ZNRF3: variants seen among roughly 807,000 people sequenced by gnomAD.
ZNRF3 encodes zinc and ring finger 3, also known as E3 ubiquitin-protein ligase ZNRF3.
A neutral mutation model predicts 72.5 loss-of-function variants in ZNRF3; 23 were observed. The observed-to-expected ratio is 0.32, with a 90% CI of 0.23 to 0.45. ZNRF3 has a LOEUF of 0.45. Among genes scored for constraint, ZNRF3 ranks in the 20% least tolerant of loss-of-function variants. ZNRF3 has a pLI of 1.00. For missense variants in ZNRF3, 1,169 were observed against 1,272.1 expected (o/e 0.92, Z 1.23); for synonymous variants, 610 against 545.3 (o/e 1.12, Z -1.65).
intron 1 of ZNRF3, among the ~76,000 whole-genome samples, chr22:28,912,662 CT>C (rs138371253): frequency 0.021 from 2,465 of 119,450 alleles, 52 homozygotes; most frequent in African/African-American, 0.059. Flanking sequence ...TCTTTTCTTT[CT>C]TTTTTTTTTT....
At chr22:29,003,039 A>AT (rs563947195) in intron 2 of ZNRF3, among the ~76,000 whole-genome samples, 29 of 152,204 alleles carry the variant, frequency 1.9e-4, no homozygotes, top group Non-Finnish European at 3.7e-4. Context: ...AACAGTTCAA[A>AT]TTTTGTTTGA....
intron 2 of ZNRF3, among the ~76,000 whole-genome samples, chr22:28,999,797 T>C (rs1288332930): frequency 6.6e-6 from 1 of 152,180 alleles, no homozygotes; most frequent in African/African-American, 2.4e-5. Flanking sequence ...TCCCTTTCAG[T>C]GTACTTGTAT....
chr22:28,989,683 C>T lies in ZNRF3; in HGVS notation c.426+2482C>T, dbSNP rs923170404. 2.6e-5 allele frequency among the ~76,000 whole-genome samples: 4 copies of T among 152,050 alleles called. 1 individual carries two copies. The highest frequency in any genetic ancestry group is 9.7e-5 in the African/African-American group (4 of 41,364). On this transcript the variant is annotated intron_variant, in intron 2 of 8. Coordinates refer to ENST00000544604, the MANE Select transcript of ZNRF3 (RefSeq NM_001206998.2). ...GATGTTGAAACTTGTTGAAAACCCA[C>T]GAAGGGAGGACTCTGTCCGCTGCAG...
At chr22:28,986,173 AGATTAGGAC>A (rs1213467555) in intron 1 of ZNRF3, among the ~76,000 whole-genome samples, 3 of 152,196 alleles carry the variant, frequency 2.0e-5, no homozygotes, top group Non-Finnish European at 4.4e-5. Flanking sequence ...CAGGTTCTGG[AGATTAGGAC>A]ATAGATATCT....
At chr22:28,991,827 T>C (rs1279631069) in intron 2 of ZNRF3, among the ~76,000 whole-genome samples, 1 of 152,066 alleles carries the variant, frequency 6.6e-6, no homozygotes, top group Middle Eastern at 3.2e-3. Context: ...TCCTTTTGTC[T>C]TCGCCAGTTT....
chr22:29,011,647 T>C (rs1178452800), intron 2 of ZNRF3, among the ~76,000 whole-genome samples: 1 of 152,250 alleles, frequency 6.6e-6, no homozygotes, highest in Non-Finnish European at 1.5e-5. Context: ...GCTAGGCCAG[T>C]TAAAACAATA....
intron 1 of ZNRF3, among the ~76,000 whole-genome samples, chr22:28,910,423 A>G (rs1315503873): frequency 6.6e-6 from 1 of 152,214 alleles, no homozygotes; most frequent in Admixed American, 6.5e-5. Flanking sequence ...GGACGTAAGC[A>G]GTCTTGGCCT....
chr22:28,969,502 A>C (rs1005489498), intron 1 of ZNRF3, among the ~76,000 whole-genome samples: 2 of 152,180 alleles, frequency 1.3e-5, no homozygotes, highest in Admixed American at 1.3e-4. Flanking sequence ...TTCCAGGCAG[A>C]GGGAACAAGA....
chr22:28,998,822 C>T (rs2036092262), intron 2 of ZNRF3, among the ~76,000 whole-genome samples: 1 of 152,166 alleles, frequency 6.6e-6, no homozygotes, highest in Non-Finnish European at 1.5e-5. Context: ...AGTGAGTTAA[C>T]AGAACAAATA....
rs371154415 is a variant in ZNRF3, at chr22:28,957,020, A to G, written c.301-30056A>G. ...ATATGAATTCAGTCTAGAGAAGATAACGTGCCTATTGTGCAGAATGCAGGG... is the reference window on the plus strand; with the variant it reads ...ATATGAATTCAGTCTAGAGAAGATAGCGTGCCTATTGTGCAGAATGCAGGG... On this transcript the variant is annotated intron_variant, in intron 1 of 8. Transcript: ENST00000544604. 2.3e-3 allele frequency among the ~76,000 whole-genome samples: 350 copies of G among 152,356 alleles called. 7 individuals carry two copies. The South Asian group carries it at 0.038, about 17-fold the overall frequency.
At chr22:28,995,574 G>T (rs1451598280) in intron 2 of ZNRF3, among the ~76,000 whole-genome samples, 1 of 152,222 alleles carries the variant, frequency 6.6e-6, no homozygotes, top group East Asian at 1.9e-4. Flanking sequence ...GTCACCTTAT[G>T]ATGATGAATG....
chr22:28,945,526 ATT>A (rs528570669), intron 1 of ZNRF3, among the ~76,000 whole-genome samples: 5 of 137,902 alleles, frequency 3.6e-5, no homozygotes, highest in African/African-American at 7.9e-5. Flanking sequence ...ACCCGTCTCT[ATT>A]TTTTTTTTTT....
intron 1 of ZNRF3, among the ~76,000 whole-genome samples, chr22:28,976,977 A>G (rs1486369285): frequency 6.6e-6 from 1 of 152,232 alleles, no homozygotes; most frequent in Non-Finnish European, 1.5e-5. Flanking sequence ...ATTCTCTGAC[A>G]AAATGAAATT....
At chr22:28,921,572 G>A (rs1418767112) in intron 1 of ZNRF3, among the ~76,000 whole-genome samples, 1 of 152,148 alleles carries the variant, frequency 6.6e-6, no homozygotes, top group African/African-American at 2.4e-5. Context: ...TGCTGCCTCC[G>A]AACCTGAAAC....
In ZNRF3 at chr22:28,883,890, G is replaced by T; in HGVS notation, c.124G>T (p.Gly42Trp). 5.5e-6 allele frequency: 6 copies of T among 1,086,374 alleles called. No homozygotes were observed. The highest frequency in any genetic ancestry group is 6.7e-6 in the Non-Finnish European group (6 of 891,632). The allele number at this position is 1,086,374 out of a possible 1,614,324, so 67.3% of individuals were successfully genotyped here. The change falls in exon 1 of 9, where the codon GGG becomes TGG. Residue 42 changes from glycine (G) to tryptophan (W), a missense_variant. By Grantham distance (184) the Gly-to-Trp change is radical. Coordinates refer to ENST00000544604, the MANE Select transcript of ZNRF3 (RefSeq NM_001206998.2). This position sits in a 1 kb window ranked among gnomAD's most constrained non-coding sequence, Gnocchi z 5.5. ...GCCGCCGCCGCTGCCGCTGCTGCTC[G>T]GGCTGCTGCTGGCGGCCGCGGGGCC... ...PPPPPLPLLL[G>W]LLLAAAGPGA...
chr22:28,929,110 TGTG>T (rs2034660109), intron 1 of ZNRF3, among the ~76,000 whole-genome samples: 1 of 152,188 alleles, frequency 6.6e-6, no homozygotes, highest in South Asian at 2.1e-4. Flanking sequence ...AAGCACAAAT[TGTG>T]GTCTTTGAAA....
intron 2 of ZNRF3, among the ~76,000 whole-genome samples, chr22:29,001,537 T>G (rs993604062): frequency 1.3e-5 from 2 of 150,998 alleles, no homozygotes; most frequent in African/African-American, 4.9e-5. Flanking sequence ...AGTGGCATGA[T>G]CTTGGCTCAC....
chr22:29,036,579 A>G (rs1190569916), intron 2 of ZNRF3, among the ~76,000 whole-genome samples: 1 of 152,210 alleles, frequency 6.6e-6, no homozygotes, highest in Admixed American at 6.5e-5. Context: ...GTGCCAGTCT[A>G]TCTATCTTGT....
At chr22:28,965,886 C>A (rs1440626928) in intron 1 of ZNRF3, among the ~76,000 whole-genome samples, 1 of 152,128 alleles carries the variant, frequency 6.6e-6, no homozygotes, top group Non-Finnish European at 1.5e-5. Context: ...ATGAAAATGC[C>A]AAATTCAGAA....
Sources: allele counts gnomAD v4.1 joint callset (sites outside exome capture counted in the v4.1 genomes callset), GRCh38; gene constraint gnomAD v4.1.1; non-coding constraint Gnocchi (gnomAD v3.1); transcripts MANE v1.5; gene names NCBI Gene and HGNC (gene_info 2026-07-23, HGNC 2026-07-21).